The following PCDH15 variants were observed in gnomAD, a reference collection of about 807,000 sequenced individuals.
PCDH15 encodes the protein protocadherin-15.
A neutral mutation model predicts 178.5 loss-of-function variants in PCDH15; 129 were observed. The observed-to-expected ratio is 0.72, with a 90% CI of 0.63 to 0.84. The LOEUF (loss-of-function observed/expected upper bound fraction) is 0.84, where lower values mean the gene tolerates loss of function less well. Ranked by LOEUF, PCDH15 falls within the 40% of genes least tolerant of loss-of-function variation. PCDH15 has a pLI of 0.00. For missense variants in PCDH15, 2,230 were observed against 2,099.9 expected, an observed-to-expected ratio of 1.06 and a Z score of -1.21; for synonymous variants, 800 against 732.0, an observed-to-expected ratio of 1.09 and a Z score of -1.50.
chr10:54,157,707 GT>G (rs2045304835), intron 13 of PCDH15, among the ~76,000 whole-genome samples: 1 of 152,086 alleles, frequency 6.6e-6, no homozygotes, highest in Non-Finnish European at 1.5e-5. Flanking sequence ...TTTATATTGT[GT>G]TGTCAGGCTG....
chr10:54,521,423 A>T (rs1488496939), intron 3 of PCDH15, among the ~76,000 whole-genome samples: 1 of 152,172 alleles, frequency 6.6e-6, no homozygotes, highest in African/African-American at 2.4e-5. Context: ...TATTAAGATA[A>T]AACCAAGCAC....
intron 3 of PCDH15, among the ~76,000 whole-genome samples, chr10:54,390,507 G>A (rs1421463053): frequency 3.9e-5 from 6 of 152,122 alleles, no homozygotes; most frequent in African/African-American, 9.7e-5. Context: ...ATGTTAGCCA[G>A]GATGATCTCT....
At chr10:54,999,305 AAT>A (rs1839735207) in intron 2 of PCDH15, among the ~76,000 whole-genome samples, 1 of 71,436 alleles carries the variant, frequency 1.4e-5, no homozygotes, top group South Asian at 5.9e-4. Flanking sequence ...AAATAAAGAA[AAT>A]TTTTTTTTTA....
intron 3 of PCDH15, among the ~76,000 whole-genome samples, chr10:54,381,997 T>C (rs1259603718): frequency 6.6e-6 from 1 of 152,136 alleles, no homozygotes; most frequent in Non-Finnish European, 1.5e-5. Flanking sequence ...TAATACTATA[T>C]GTATGTTCCT....
chr10:55,220,465 G>A (rs1840839748), intron 1 of PCDH15, among the ~76,000 whole-genome samples: 1 of 151,994 alleles, frequency 6.6e-6, no homozygotes, highest in Non-Finnish European at 1.5e-5. Flanking sequence ...TCTGAGAAAT[G>A]CATTTTTAGG....
At chr10:54,626,260 C>A (rs139683534) in intron 2 of PCDH15, among the ~76,000 whole-genome samples, 120 of 152,234 alleles carry the variant, frequency 7.9e-4, no homozygotes, top group African/African-American at 2.8e-3. Flanking sequence ...AGAAGAAATT[C>A]AAGCGGGCGG....
intron 2 of PCDH15, among the ~76,000 whole-genome samples, chr10:55,137,026 G>T (rs7916351): frequency 6.6e-6 from 1 of 151,664 alleles, no homozygotes; most frequent in East Asian, 2.0e-4. Flanking sequence ...TAAATTTAAT[G>T]ATGGTTACAT....
chr10:55,259,807 CAGG>C (rs1422880554), intron 1 of PCDH15, among the ~76,000 whole-genome samples: 2 of 147,384 alleles, frequency 1.4e-5, no homozygotes, highest in Non-Finnish European at 3.0e-5. Flanking sequence ...GAGGCTGAGG[CAGG>C]AGAATTGCTT....
intron 2 of PCDH15, among the ~76,000 whole-genome samples, chr10:54,645,673 G>A (rs2094115399): frequency 6.6e-6 from 1 of 152,108 alleles, no homozygotes; most frequent in Admixed American, 6.6e-5. Context: ...TAAGAAAGAA[G>A]TGGCCAATAT....
intron 18 of PCDH15, among the ~76,000 whole-genome samples, chr10:54,043,500 C>A (rs192167311): frequency 7.9e-5 from 12 of 151,976 alleles, no homozygotes; most frequent in African/African-American, 2.9e-4. Context: ...CTCAGGTGAT[C>A]CTCTCACCTC....
At chr10:54,640,961 G>A (rs367562368) in intron 2 of PCDH15, 87 of 161,202 alleles carry the variant, frequency 5.4e-4, no homozygotes, top group African/African-American at 1.8e-3. Context: ...AAAATTAGCC[G>A]AGCATGGTGA....
At position 54,369,436 on chromosome 10, in the gene PCDH15, T is replaced by A. The variant is rs574907131; in HGVS notation, c.319-161A>T. 1.5e-3 allele frequency among the ~76,000 whole-genome samples: 232 copies of A among 152,104 alleles called. 1 individual carries two copies. Among genetic ancestry groups the A allele is most frequent in the Non-Finnish European group, 1.7e-3 (114 of 67,980 alleles). On this transcript the variant is annotated intron_variant, in intron 4 of 37. Coordinates refer to ENST00000644397, the MANE Select transcript of PCDH15 (RefSeq NM_001384140.1). ...TCATTTTAAGGACAAGAGAAGACAA[T>A]CATAATTAATTTATTGTTTAATTTT...
At chr10:55,385,600 T>C (rs990791269) in intron 2 of PCDH15, among the ~76,000 whole-genome samples, 1 of 150,442 alleles carries the variant, frequency 6.6e-6, no homozygotes, top group Non-Finnish European at 1.5e-5. Context: ...GACAAAATTT[T>C]TGAAGTTTCT....
intron 3 of PCDH15, among the ~76,000 whole-genome samples, chr10:54,389,693 C>T (rs4264075): frequency 0.86 from 129,811 of 151,750 alleles, 55,733 homozygotes; most frequent in East Asian, 0.99. Flanking sequence ...AATCCCAGCA[C>T]TTTGGGAGGC....
chr10:54,704,456 A>G (rs903595945), intron 1 of PCDH15, among the ~76,000 whole-genome samples: 3 of 152,160 alleles, frequency 2.0e-5, no homozygotes, highest in Non-Finnish European at 4.4e-5. Flanking sequence ...AACTTAAATT[A>G]AGAAGCAAAA....
intron 2 of PCDH15, among the ~76,000 whole-genome samples, chr10:54,571,835 C>G (rs771365486): frequency 6.6e-6 from 1 of 152,040 alleles, no homozygotes; most frequent in Non-Finnish European, 1.5e-5. Context: ...AGGCTTTGGA[C>G]CCATGTTCCA....
At chr10:54,058,244 C>A (rs2093939965) in intron 18 of PCDH15, among the ~76,000 whole-genome samples, 3 of 152,150 alleles carry the variant, frequency 2.0e-5, no homozygotes, top group Admixed American at 2.0e-4. Flanking sequence ...TCTACTGGTA[C>A]CCATTCACTG....
intron 2 of PCDH15, among the ~76,000 whole-genome samples, chr10:55,355,524 C>T (rs189673235): frequency 6.6e-6 from 1 of 151,928 alleles, no homozygotes; most frequent in Non-Finnish European, 1.5e-5. Flanking sequence ...GCTAATTTCA[C>T]ACATTTATAT....
chr10:54,379,191 G>T (rs930865180), intron 3 of PCDH15, among the ~76,000 whole-genome samples: 1 of 152,036 alleles, frequency 6.6e-6, no homozygotes, highest in Non-Finnish European at 1.5e-5. Context: ...TCCATTTTGT[G>T]TTTCCCTCTA....
Sources: allele counts gnomAD v4.1 joint callset (sites outside exome capture counted in the v4.1 genomes callset), GRCh38; gene constraint gnomAD v4.1.1; transcripts MANE v1.5; gene names NCBI Gene and HGNC (gene_info 2026-07-23, HGNC 2026-07-21).